The following FKBP15 variants were observed in gnomAD, a reference collection of about 807,000 sequenced individuals.
The protein encoded by FKBP15 is FKBP prolyl isomerase family member 15.
Under a neutral mutation model 158.1 loss-of-function variants are expected in FKBP15, and 106 were observed. The ratio of observed to expected loss-of-function variants is 0.67; its 90% CI spans 0.57 to 0.79. The LOEUF (loss-of-function observed/expected upper bound fraction) is 0.79. Among genes scored for constraint, FKBP15 ranks in the 30% least tolerant of loss-of-function variants. The pLI is 0.00. For synonymous variants in FKBP15, 547 were observed against 548.6 expected (o/e 1.00, Z 0.04); for missense variants, 1,287 against 1,479.1 (o/e 0.87, Z 2.13).
chr9:113,200,558 G>A (rs1830769658), intron 6 of FKBP15, among the ~76,000 whole-genome samples: 1 of 152,102 alleles, frequency 6.6e-6, no homozygotes, highest in Admixed American at 6.5e-5. Context: ...GGAGTCAGGG[G>A]CATCTTTGTG....
At chr9:113,179,662 A>G (rs902038639) in intron 19 of FKBP15, among the ~76,000 whole-genome samples, 3 of 151,754 alleles carry the variant, frequency 2.0e-5, no homozygotes, top group African/African-American at 7.3e-5. Flanking sequence ...CTCCATCTCA[A>G]AAGAAAAAAA....
In FKBP15 at chr9:113,162,877, T is replaced by C; in HGVS notation, c.*3201A>G. On this transcript the variant is annotated 3_prime_UTR_variant, in exon 28 of 28. Transcript: ENST00000238256. The stretch of plus-strand genomic sequence containing the variant: ...CTTGGTGTGGTCTTGGGCTCTGCTG[T>C]GGGCTACTACCTAGCTTACCCACTT... 1 of 1,613,208 alleles carries C rather than the reference T, an allele frequency of 6.2e-7. No individual in the cohort carries two copies. The highest frequency in any genetic ancestry group is 8.5e-7 in the Non-Finnish European group (1 of 1,179,756).
intron 1 of FKBP15, among the ~76,000 whole-genome samples, chr9:113,220,923 T>G (rs977106286): frequency 6.6e-6 from 1 of 152,116 alleles, no homozygotes; most frequent in African/African-American, 2.4e-5. Flanking sequence ...TCATTCCCAT[T>G]TCACCGGAGA....
Position 113,194,140 on chromosome 9 carries a change from A to C in FKBP15, c.894T>G (p.Asp298Glu). The C allele has an allele frequency of 6.2e-7, 1 of 1,612,444 alleles. No homozygotes were observed. The highest frequency in any genetic ancestry group is 8.5e-7 in the Non-Finnish European group (1 of 1,178,960). ...AATCGCGGGAACTAACACTGTGACC[A>C]TCAGAGCCAGAATCTCTGGCAAACT... The part of the protein sequence containing the change: ...RVKFARDSGS[D>E]GHSVSSRDSA... The change falls in exon 10 of 28, where the codon GAT (aspartate) becomes GAG (glutamate). Residue 298 changes from aspartate (D) to glutamate (E), a missense_variant. Asp to Glu is a conservative substitution (Grantham distance 45, BLOSUM62 2). Transcript: ENST00000238256.
At position 113,169,768 on chromosome 9, in the gene FKBP15, T is replaced by C. The variant is rs1564148721; in HGVS notation, c.2941A>G (p.Met981Val). 3 of 1,603,598 alleles carry C rather than the reference T, an allele frequency of 1.9e-6. No individual in the cohort carries two copies. The highest frequency in any genetic ancestry group is 1.1e-5 in the South Asian group (1 of 89,154). Residue 981 changes from methionine (M) to valine (V), a missense_variant, in exon 26 of 28, where the codon ATG (methionine) becomes GTG (valine). Physicochemically the swap from Met to Val is conservative, Grantham distance 21. Coordinates refer to ENST00000238256, the MANE Select transcript of FKBP15 (RefSeq NM_015258.2). ...PLNRERPESP[M>V]VPSEQVVEEA... Reference sequence around the variant, plus strand: ...TCGACCACCTGCTCTGAGGGCACCATGGGGGACTCTGGCCTCTCCCTATTC... The same window carrying C: ...TCGACCACCTGCTCTGAGGGCACCACGGGGGACTCTGGCCTCTCCCTATTC...
At chr9:113,172,436 A>G (rs1168435261) in intron 23 of FKBP15, among the ~76,000 whole-genome samples, 1 of 152,140 alleles carries the variant, frequency 6.6e-6, no homozygotes, top group African/African-American at 2.4e-5. Flanking sequence ...TGTCTTCCAC[A>G]ATGGTTGAAC....
intron 1 of FKBP15, among the ~76,000 whole-genome samples, chr9:113,216,842 A>G (rs1831144766): frequency 2.0e-5 from 3 of 152,254 alleles, no homozygotes; most frequent in East Asian, 3.9e-4. Flanking sequence ...AGCCAACTGA[A>G]GACTACAAAG....
intron 27 of FKBP15, among the ~76,000 whole-genome samples, chr9:113,167,180 A>G (rs182569964): frequency 2.0e-4 from 30 of 152,342 alleles, no homozygotes; most frequent in Admixed American, 3.3e-4. Flanking sequence ...TAGCTATATA[A>G]GCTTAGTTAA....
rs1830266966 is a variant in FKBP15 at position 113,174,418 on chromosome 9, T to G, written c.2379+10A>C. The G allele has an allele frequency of 2.5e-6, 4 of 1,612,124 alleles. No individual in the cohort carries two copies. Among genetic ancestry groups the G allele is most frequent in the Non-Finnish European group, 3.4e-6 (4 of 1,179,002 alleles). ...CCCTCTATTTTCAAAGTGCTTCAGTTTCCCATTACCTGCTCTGCAGCTGCT... is the reference window on the plus strand; with the variant it reads ...CCCTCTATTTTCAAAGTGCTTCAGTGTCCCATTACCTGCTCTGCAGCTGCT... On this transcript the variant is annotated intron_variant, in intron 22 of 27. Transcript: ENST00000238256.
chr9:113,201,527 G>A (rs1036949083), intron 6 of FKBP15, among the ~76,000 whole-genome samples: 2 of 152,190 alleles, frequency 1.3e-5, no homozygotes, highest in African/African-American at 4.8e-5. Flanking sequence ...TGGGAAGTAA[G>A]TAAGCCAGGA....
At chr9:113,209,449 C>G (rs554969765) in intron 2 of FKBP15, among the ~76,000 whole-genome samples, 2 of 152,332 alleles carry the variant, frequency 1.3e-5, no homozygotes, top group South Asian at 4.1e-4. Context: ...TACTAGAAAT[C>G]TGGCCAGGTT....
intron 1 of FKBP15, among the ~76,000 whole-genome samples, chr9:113,217,602 G>C (rs529209230): frequency 6.6e-6 from 1 of 152,318 alleles, no homozygotes; most frequent in African/African-American, 2.4e-5. Context: ...CTCACTCTCA[G>C]AGGCTGAGAC....
rs980402173 is a variant in FKBP15, at chr9:113,171,677, A to T, written c.2562T>A (p.Ala854=). ...TGTGCTGTTCATTTTGCTTGGTGAGAGCTGTGATTTGGGCCTGGAGGGCTA... is the reference window on the plus strand; with the variant it reads ...TGTGCTGTTCATTTTGCTTGGTGAGTGCTGTGATTTGGGCCTGGAGGGCTA... ...KCLALQAQIT[A]LTKQNEQHIK... Residue 854 remains alanine (A), a synonymous_variant, in exon 24 of 28, where the codon GCT becomes GCA. Coordinates refer to ENST00000238256, the MANE Select transcript of FKBP15 (RefSeq NM_015258.2). 2 of 1,600,614 alleles carry T rather than the reference A, an allele frequency of 1.2e-6. No individual in the cohort carries two copies. Among genetic ancestry groups the T allele is most frequent in the Admixed American group, 3.5e-5 (2 of 57,884 alleles).
intron 1 of FKBP15, among the ~76,000 whole-genome samples, chr9:113,214,702 A>T (rs1282874002): frequency 1.3e-5 from 2 of 152,184 alleles, no homozygotes; most frequent in Non-Finnish European, 2.9e-5. Flanking sequence ...CCAAGCATTG[A>T]CTTCTCCTCT....
chr9:113,194,231 A>G, intron 9 of FKBP15, 62 bp from the exon 10 acceptor site: 1 of 1,316,046 alleles, frequency 7.6e-7, no homozygotes, highest in Non-Finnish European at 1.0e-6. Flanking sequence ...TCACATGGAC[A>G]CAGGAAGGGG....
At chr9:113,172,753 A>G (rs1830236420) in intron 23 of FKBP15, among the ~76,000 whole-genome samples, 1 of 152,238 alleles carries the variant, frequency 6.6e-6, no homozygotes, top group Non-Finnish European at 1.5e-5. Context: ...ATTAACAGCA[A>G]CCCATTTGTC....
chr9:113,218,286 A>G (rs1323731676), intron 1 of FKBP15, among the ~76,000 whole-genome samples: 1 of 151,410 alleles, frequency 6.6e-6, no homozygotes, highest in Non-Finnish European at 1.5e-5. Flanking sequence ...TTCTAGCTGC[A>G]TGATCTTGGG....
At chr9:113,172,739 C>T (rs552331230) in intron 23 of FKBP15, among the ~76,000 whole-genome samples, 1 of 152,328 alleles carries the variant, frequency 6.6e-6, no homozygotes, top group East Asian at 1.9e-4. Context: ...CATAAACATT[C>T]AGCATTAACA....
At chr9:113,179,372 A>G (rs542517566) in intron 19 of FKBP15, among the ~76,000 whole-genome samples, 16 of 152,336 alleles carry the variant, frequency 1.1e-4, no homozygotes, top group Admixed American at 1.3e-4. Flanking sequence ...TCCTAAAAAA[A>G]GAAAATAAAG....
Sources: allele counts gnomAD v4.1 joint callset (sites outside exome capture counted in the v4.1 genomes callset), GRCh38; gene constraint gnomAD v4.1.1; transcripts MANE v1.5; gene names NCBI Gene and HGNC (gene_info 2026-07-23, HGNC 2026-07-21).